The following ARHGEF40 variants were observed in gnomAD, a reference collection of about 807,000 sequenced individuals.
ARHGEF40 encodes Rho guanine nucleotide exchange factor 40.
A neutral mutation model predicts 165.9 loss-of-function variants in ARHGEF40; 98 were observed. The observed-to-expected ratio is 0.59, with a 90% CI of 0.50 to 0.70. The LOEUF (loss-of-function observed/expected upper bound fraction) is 0.70. ARHGEF40 is among the 30% of genes least tolerant of loss of function. The probability of loss-of-function intolerance (pLI) is 0.00; values close to 1 mark genes in which losing one functional copy is unlikely to be tolerated. For synonymous variants in ARHGEF40, 792 were observed against 814.3 expected (o/e 0.97, Z 0.47); for missense variants, 1,815 against 1,968.0 (o/e 0.92, Z 1.47).
chr14:21,088,730 AAG>A, intron 22 of ARHGEF40, 98 bp from the exon 23 acceptor site: 3 of 1,268,780 alleles, frequency 2.4e-6, no homozygotes, highest in Non-Finnish European at 3.3e-6. Flanking sequence ...TTGGGTAGGA[AAG>A]AGAGGTGAAT....
chr14:21,075,404 G>A lies in ARHGEF40; in HGVS notation c.1523G>A (p.Gly508Glu), dbSNP rs934935530. 1.2e-6 allele frequency: 2 copies of A among 1,614,080 alleles called. No homozygotes were observed. Among genetic ancestry groups the A allele is most frequent in the African/African-American group, 2.7e-5 (2 of 74,924 alleles). Residue 508 changes from glycine (G) to glutamate (E), a missense_variant, in exon 4 of 24, where the codon GGG (glycine) becomes GAG (glutamate). Gly to Glu is a moderately conservative substitution (Grantham distance 98). Coordinates refer to ENST00000298694, the MANE Select transcript of ARHGEF40 (RefSeq NM_018071.5). The surrounding 1 kb of genome is among the most constrained non-coding windows in gnomAD (Gnocchi z 4.5). ...PPLETVQEGK[G>E]DNIPEEALAV... ...CTGGAGACTGTGCAGGAAGGAAAAGGGGACAACATTCCAGAAGAGGCCCTT... is the reference window on the plus strand; with the variant it reads ...CTGGAGACTGTGCAGGAAGGAAAAGAGGACAACATTCCAGAAGAGGCCCTT...
chr14:21,073,217 T>C lies in ARHGEF40; in HGVS notation c.176T>C (p.Leu59Pro). Residue 59 changes from leucine to proline, a missense_variant, in exon 2 of 24, where the codon CTT (leucine) becomes CCT (proline). By Grantham distance (98) the Leu-to-Pro change is moderately conservative (BLOSUM62 -3). Coordinates refer to ENST00000298694, the MANE Select transcript of ARHGEF40 (RefSeq NM_018071.5). The surrounding 1 kb of genome is among the most constrained non-coding windows in gnomAD (Gnocchi z 4.6). Reference protein sequence around the residue: ...LDFLVPAKHLLAKVQQEACAQ... With the variant: ...LDFLVPAKHLPAKVQQEACAQ... ...TTCCTGGTACCAGCCAAGCACCTGCTTGCCAAGGTCCAGCAGGAAGCCTGT... is the reference window on the plus strand; with the variant it reads ...TTCCTGGTACCAGCCAAGCACCTGCCTGCCAAGGTCCAGCAGGAAGCCTGT... 6.2e-7 allele frequency: 1 copy of C among 1,612,752 alleles called. No individual in the cohort carries two copies. Among genetic ancestry groups the C allele is most frequent in the Non-Finnish European group, 8.5e-7 (1 of 1,179,510 alleles).
rs1462393600 is a variant in ARHGEF40 at position 21,090,179 on chromosome 14, A to T, written c.*1171A>T. The T allele has an allele frequency of 1.9e-6, 1 of 524,986 alleles. No homozygotes were observed. The highest frequency in any genetic ancestry group is 2.3e-5 in the Admixed American group (1 of 44,382). The allele number at this position is 524,986 out of a possible 1,614,324, so 32.5% of individuals were successfully genotyped here. The stretch of plus-strand genomic sequence containing the variant: ...CGTCTACAGGGCCCCTGATGGGGCT[A>T]GAAGGGTACAGTGCCCCCCACCCTC... On this transcript the variant is annotated 3_prime_UTR_variant, in exon 24 of 24. Transcript: ENST00000298694. The surrounding 1 kb of genome is among the most constrained non-coding windows in gnomAD (Gnocchi z 4.4).
In ARHGEF40 at chr14:21,084,889, G is replaced by T; in HGVS notation, c.3926G>T (p.Gly1309Val). The T allele has an allele frequency of 6.2e-7, 1 of 1,614,078 alleles. No homozygotes were observed. The highest frequency in any genetic ancestry group is 8.5e-7 in the Non-Finnish European group (1 of 1,180,016). The change falls in exon 18 of 24, where the codon GGG becomes GTG. Residue 1309 changes from glycine to valine, a missense_variant. Coordinates refer to ENST00000298694, the MANE Select transcript of ARHGEF40 (RefSeq NM_018071.5). The part of the protein sequence containing the change: ...LFSKLKGPEG[G>V]SEMFVYKQAF... ...AGCAAGCTCAAGGGCCCTGAAGGGG[G>T]GTCAGAGATGTTTGTTTACAAGCAG... is the stretch of plus-strand genomic sequence containing the variant.
the ARHGEF40 span, among the ~76,000 whole-genome samples, chr14:21,061,934 C>T: frequency 2.8e-3 from 428 of 152,196 alleles, 3 homozygotes; most frequent in African/African-American, 9.6e-3. Context: ...AGCTCAAATG[C>T]CCAAATTACT....
intron 17 of ARHGEF40, 66 bp downstream of exon 17, chr14:21,084,116 T>C (rs1185825933): frequency 6.7e-6 from 10 of 1,484,314 alleles, no homozygotes; most frequent in Non-Finnish European, 8.1e-6. Context: ...GCCGTGTAGG[T>C]TGGTGACAGG....
In ARHGEF40 at chr14:21,074,035, C is replaced by G. The variant is rs1447265411; in HGVS notation, c.305C>G (p.Pro102Arg). 5 of 1,614,112 alleles carry G rather than the reference C, an allele frequency of 3.1e-6. No homozygotes were observed. The highest frequency in any genetic ancestry group is 3.3e-4 in the Middle Eastern group (2 of 6,062). Residue 102 changes from proline to arginine, a missense_variant, in exon 3 of 24, where the codon CCA (proline) becomes CGA (arginine). Transcript: ENST00000298694. This position sits in a 1 kb window ranked among gnomAD's most constrained non-coding sequence, Gnocchi z 4.8. ...GCCCTACCCTGGCAACTGCTGCGCC[C>G]AGGAGACTTCTATCTGCAGGTGGTG... ...LAALPWQLLR[P>R]GDFYLQVVPS...
chr14:21,076,904 C>T lies in ARHGEF40; in HGVS notation c.2034+14C>T. 6.3e-7 allele frequency: 1 copy of T among 1,598,644 alleles called. No individual in the cohort carries two copies. On this transcript the variant is annotated intron_variant, in intron 8 of 23. Coordinates refer to ENST00000298694, the MANE Select transcript of ARHGEF40 (RefSeq NM_018071.5). ...GAGATACACCAGGTAAGCTTCCCCT[C>T]TACCACCTAGCATGCTGGGAGCCAG...
chr14:21,067,282 G>GTTT (rs11444511), upstream of ARHGEF40, among the ~76,000 whole-genome samples: 3 of 150,610 alleles, frequency 2.0e-5, no homozygotes, highest in Non-Finnish European at 3.0e-5. Flanking sequence ...AAAAAGGTAG[G>GTTT]TTTTTTTTTT....
intron 11 of ARHGEF40, among the ~76,000 whole-genome samples, chr14:21,079,979 C>T (rs895815769): frequency 1.3e-5 from 2 of 152,108 alleles, no homozygotes; most frequent in Non-Finnish European, 2.9e-5. Context: ...AATTAACTCA[C>T]AACGTGGTCA....
In ARHGEF40 at chr14:21,083,918, G is replaced by C. The variant is rs759257621; in HGVS notation, c.3657G>C (p.Glu1219Asp). ...TGACTCGGTATGGGCGGCTCCTGGA[G>C]GAGCTCCTGAGGGAAGCTGGGCCTG... ...EQLTRYGRLL[E>D]ELLREAGPEL... The change falls in exon 17 of 24, where the codon GAG becomes GAC. Residue 1219 changes from glutamate (E) to aspartate (D), a missense_variant. Glu to Asp is a conservative substitution (Grantham distance 45). Transcript: ENST00000298694. The C allele has an allele frequency of 6.2e-7, 1 of 1,614,014 alleles. No homozygotes were observed.
At position 21,077,623 on chromosome 14, in the gene ARHGEF40, G is replaced by C. The variant is rs762944515; in HGVS notation, c.2035-554G>C. Among the ~76,000 whole-genome samples, 9 of 152,196 alleles carry C rather than the reference G, an allele frequency of 5.9e-5. No homozygotes were observed. The South Asian group carries it at 1.9e-3, about 32-fold the overall frequency. ...ATCCGCTCCTTGCACCAACATCCAG[G>C]CCTCAGGATCCTCATCAGCGCAGTA... On this transcript the variant is annotated intron_variant, in intron 8 of 23. Coordinates refer to ENST00000298694, the MANE Select transcript of ARHGEF40 (RefSeq NM_018071.5).
chr14:21,074,485 T>C lies in ARHGEF40; in HGVS notation c.755T>C (p.Val252Ala). 6.4e-7 allele frequency: 1 copy of C among 1,561,458 alleles called. No homozygotes were observed. ...YVELLEVTLPVRGSPTDAEGS... is the reference protein window; with the variant it reads ...YVELLEVTLPARGSPTDAEGS... ...GAGCTGTTAGAGGTGACGCTGCCCGTGAGGGGGAGCCCAACAGATGCTGAA... is the reference window on the plus strand; with the variant it reads ...GAGCTGTTAGAGGTGACGCTGCCCGCGAGGGGGAGCCCAACAGATGCTGAA... Residue 252 changes from valine to alanine, a missense_variant, in exon 3 of 24, where the codon GTG (valine) becomes GCG (alanine). Val to Ala is a moderately conservative substitution (Grantham distance 64). Transcript: ENST00000298694. The surrounding 1 kb of genome is among the most constrained non-coding windows in gnomAD (Gnocchi z 4.8).
At position 21,076,496 on chromosome 14, in the gene ARHGEF40, C is replaced by T. The variant is rs557748433; in HGVS notation, c.1836+40C>T. ...AACAGGCAGTTCCCCTGGATCCTAA[C>T]TCTTCACCAGTGGCCAGTCCAGGAC... On this transcript the variant is annotated intron_variant, in intron 6 of 23. Transcript: ENST00000298694. 1.8e-4 allele frequency: 291 copies of T among 1,613,682 alleles called. 2 individuals are homozygous for T. In the South Asian group the frequency reaches 1.8e-3, roughly 10 times the overall value.
chr14:21,084,382 CT>C (rs1408287503), intron 17 of ARHGEF40, among the ~76,000 whole-genome samples: 1 of 152,206 alleles, frequency 6.6e-6, no homozygotes, highest in Non-Finnish European at 1.5e-5. Context: ...TCTACCTAGT[CT>C]TTTTCCAGCC....
Position 21,074,677 on chromosome 14 carries a change from C to T in ARHGEF40, c.947C>T (p.Pro316Leu), listed in dbSNP as rs1887258033. The change falls in exon 3 of 24, where the codon CCT (proline) becomes CTT (leucine). Residue 316 changes from proline to leucine, a missense_variant. By Grantham distance (98) the Pro-to-Leu change is moderately conservative. Transcript: ENST00000298694. This position sits in a 1 kb window ranked among gnomAD's most constrained non-coding sequence, Gnocchi z 4.8. The part of the protein sequence containing the change: ...PGEGSSTGAS[P>L]ESPPGAEAVP... ...GAGGGGAGCAGCACCGGAGCCTCCC[C>T]TGAGTCTCCCCCAGGAGCTGAGGCT... 6.3e-7 allele frequency: 1 copy of T among 1,575,580 alleles called. No individual in the cohort carries two copies. Among genetic ancestry groups the T allele is most frequent in the Non-Finnish European group, 8.6e-7 (1 of 1,161,914 alleles).
chr14:21,074,813 A>AGGC lies in ARHGEF40; in HGVS notation c.1084_1086dup (p.Gly362dup). 6.2e-7 allele frequency: 1 copy of AGGC among 1,604,738 alleles called. No homozygotes were observed. Among genetic ancestry groups the AGGC allele is most frequent in the Non-Finnish European group, 8.5e-7 (1 of 1,176,086 alleles). ...GGGAGCTTAGAGGAGGAGGAGGAGG[A>AGGC]GGCCAGGGGGCTGAAGGACCACCTG... On this transcript the variant is annotated inframe_insertion, in exon 3 of 24. Transcript: ENST00000298694. This position sits in a 1 kb window ranked among gnomAD's most constrained non-coding sequence, Gnocchi z 4.8.
At position 21,070,927 on chromosome 14, in the gene ARHGEF40, T is replaced by C; in HGVS notation, c.3+528T>C. 6.9e-7 allele frequency: 1 copy of C among 1,443,950 alleles called. No individual in the cohort carries two copies. The highest frequency in any genetic ancestry group is 9.4e-7 in the Non-Finnish European group (1 of 1,065,304). 89.4% of individuals were successfully genotyped at this position (1,443,950 alleles called of 1,614,324 possible). On this transcript the variant is annotated intron_variant, in intron 1 of 23. Coordinates refer to ENST00000298694, the MANE Select transcript of ARHGEF40 (RefSeq NM_018071.5). This position sits in a 1 kb window ranked among gnomAD's most constrained non-coding sequence, Gnocchi z 4.7. ...TGGCCACAGCTGTGGCTGGGCCGGG[T>C]CCCGGGGCATGGCCAAAGAGGGAAA...
intron 20 of ARHGEF40, 95 bp downstream of exon 20, chr14:21,087,200 T>A (rs1888413339): frequency 6.3e-7 from 1 of 1,580,528 alleles, no homozygotes; most frequent in Non-Finnish European, 8.7e-7. Context: ...AGGAAAGGCA[T>A]CTCGTCCCCA....
Sources: allele counts gnomAD v4.1 joint callset (sites outside exome capture counted in the v4.1 genomes callset), GRCh38; gene constraint gnomAD v4.1.1; non-coding constraint Gnocchi (gnomAD v3.1); transcripts MANE v1.5; gene names NCBI Gene and HGNC (gene_info 2026-07-23, HGNC 2026-07-21).